Variants in MLLT3 observed in about 807,000 individuals in gnomAD.
MLLT3 encodes the protein MLLT3 super elongation complex subunit.
Under a neutral mutation model 53.2 loss-of-function variants are expected in MLLT3, and 4 were observed. The ratio of observed to expected loss-of-function variants is 0.08; its 90% CI spans 0.04 to 0.17. The LOEUF (loss-of-function observed/expected upper bound fraction) is 0.17, where lower values mean the gene tolerates loss of function less well. MLLT3 is among the 10% of genes least tolerant of loss of function. The pLI is 1.00. For missense variants in MLLT3, 569 were observed against 684.0 expected, an observed-to-expected ratio of 0.83 and a Z score of 1.87; for synonymous variants, 283 against 230.6, an observed-to-expected ratio of 1.23 and a Z score of -2.06.
intron 2 of MLLT3, among the ~76,000 whole-genome samples, chr9:20,600,288 T>C (rs1820387861): frequency 6.6e-6 from 1 of 152,240 alleles, no homozygotes; most frequent in South Asian, 2.1e-4. Flanking sequence ...ATGGAAAACA[T>C]GCCTGATGCC....
Position 20,606,414 on chromosome 9 carries a change from C to T in MLLT3, c.193+14240G>A, listed in dbSNP as rs78361934. 6.0e-3 allele frequency among the ~76,000 whole-genome samples: 909 copies of T among 152,062 alleles called. 6 individuals carry two copies. The highest frequency in any genetic ancestry group is 0.01 in the Non-Finnish European group (684 of 67,962). ...TCTAAAGCAGAGGTTCCTGCCGTAC[C>T]CCCTTCACCCACCCGTACTTTTAAA... On this transcript the variant is annotated intron_variant, in intron 2 of 10. Transcript: ENST00000380338.
intron 2 of MLLT3, among the ~76,000 whole-genome samples, chr9:20,515,030 T>A (rs546956750): frequency 3.5e-5 from 5 of 143,884 alleles, no homozygotes; most frequent in Non-Finnish European, 7.5e-5. Context: ...CACCGCAACC[T>A]CTGCCTCCCG....
chr9:20,503,747 T>C (rs944221029), intron 2 of MLLT3, among the ~76,000 whole-genome samples: 5 of 151,664 alleles, frequency 3.3e-5, no homozygotes, highest in African/African-American at 1.2e-4. Context: ...AAGAAAACAA[T>C]CAACACACTG....
At chr9:20,432,040 G>C (rs370682745) in intron 4 of MLLT3, among the ~76,000 whole-genome samples, 2 of 152,262 alleles carry the variant, frequency 1.3e-5, no homozygotes, top group African/African-American at 4.8e-5. Flanking sequence ...CAGATAGTTA[G>C]AGTGGTTTGT....
chr9:20,412,039 G>A (rs753932944), intron 5 of MLLT3: 23 of 152,040 alleles, frequency 1.5e-4, no homozygotes, highest in Admixed American at 3.3e-4. Context: ...CTAGTGATAC[G>A]TTAAATTTAT....
Position 20,511,126 on chromosome 9 carries a change from C to T in MLLT3, c.194-54340G>A, listed in dbSNP as rs115118675. 5.8e-3 allele frequency among the ~76,000 whole-genome samples: 887 copies of T among 151,980 alleles called. 6 individuals are homozygous for T. Among genetic ancestry groups the T allele is most frequent in the African/African-American group, 0.019 (798 of 41,464 alleles). The stretch of plus-strand genomic sequence containing the variant: ...TTATAAAATTTAAAACAAATTAAAA[C>T]ATTTTAAACATGTCTATTAGAGCCT... On this transcript the variant is annotated intron_variant, in intron 2 of 10. Coordinates refer to ENST00000380338, the MANE Select transcript of MLLT3 (RefSeq NM_004529.4).
chr9:20,458,250 A>T (rs113076634), intron 2 of MLLT3, among the ~76,000 whole-genome samples: 2,255 of 152,282 alleles, frequency 0.015, 48 homozygotes, highest in African/African-American at 0.05. Flanking sequence ...CCTTATGACC[A>T]TATTTTGAAG....
At chr9:20,383,687 AT>A (rs1821960523) in intron 5 of MLLT3, among the ~76,000 whole-genome samples, 1 of 151,950 alleles carries the variant, frequency 6.6e-6, no homozygotes, top group Admixed American at 6.6e-5. Flanking sequence ...GTCTGAGTCC[AT>A]TTGGCTTGTC....
intron 4 of MLLT3, among the ~76,000 whole-genome samples, chr9:20,420,621 A>G (rs993034028): frequency 1.3e-5 from 2 of 152,252 alleles, no homozygotes; most frequent in African/African-American, 4.8e-5. Flanking sequence ...CTCATAAAAC[A>G]CAATGAGTAC....
intron 2 of MLLT3, among the ~76,000 whole-genome samples, chr9:20,608,335 G>C (rs1820617041): frequency 6.6e-6 from 1 of 151,814 alleles, no homozygotes; most frequent in Non-Finnish European, 1.5e-5. Flanking sequence ...CAGCAAGATA[G>C]ACATGTTAAT....
intron 8 of MLLT3, among the ~76,000 whole-genome samples, chr9:20,359,017 C>T (rs1326317076): frequency 1.3e-5 from 2 of 151,768 alleles, no homozygotes; most frequent in Non-Finnish European, 2.9e-5. Flanking sequence ...TGGTGGCATG[C>T]ACCTGTAGTC....
At chr9:20,387,179 C>T (rs1822060391) in intron 5 of MLLT3, among the ~76,000 whole-genome samples, 1 of 152,176 alleles carries the variant, frequency 6.6e-6, no homozygotes, top group Admixed American at 6.5e-5. Context: ...CAGAGCTATT[C>T]CAGAGCTCCT....
chr9:20,593,899 C>G (rs992360282), intron 2 of MLLT3, among the ~76,000 whole-genome samples: 1 of 151,510 alleles, frequency 6.6e-6, no homozygotes. Flanking sequence ...TGTTGTTGTA[C>G]TCCATGTGTA....
intron 2 of MLLT3, among the ~76,000 whole-genome samples, chr9:20,480,804 G>A (rs1824642888): frequency 6.6e-6 from 1 of 152,026 alleles, no homozygotes; most frequent in African/African-American, 2.4e-5. Context: ...TATCTCAGAG[G>A]GCCTCATATA....
chr9:20,370,521 T>G (rs1357810177), intron 5 of MLLT3, among the ~76,000 whole-genome samples: 1 of 152,044 alleles, frequency 6.6e-6, no homozygotes, highest in East Asian at 1.9e-4. Context: ...CAAATCTTTT[T>G]TTTTTTGAGA....
At chr9:20,542,126 C>G (rs1818650903) in intron 2 of MLLT3, among the ~76,000 whole-genome samples, 1 of 152,094 alleles carries the variant, frequency 6.6e-6, no homozygotes, top group Admixed American at 6.6e-5. Context: ...CTCCTTGACC[C>G]ATGAGCTGTA....
chr9:20,401,592 C>A (rs550892239), intron 5 of MLLT3, among the ~76,000 whole-genome samples: 1 of 152,106 alleles, frequency 6.6e-6, no homozygotes, highest in African/African-American at 2.4e-5. Flanking sequence ...GCTAGAGCAC[C>A]GGTCATCACT....
intron 4 of MLLT3, among the ~76,000 whole-genome samples, chr9:20,425,052 A>G (rs1253888829): frequency 6.6e-6 from 1 of 152,168 alleles, no homozygotes; most frequent in Non-Finnish European, 1.5e-5. Flanking sequence ...CAACCCTTAC[A>G]ACGTAAGTGT....
intron 2 of MLLT3, among the ~76,000 whole-genome samples, chr9:20,469,836 A>G (rs1398830563): frequency 1.3e-5 from 2 of 152,038 alleles, no homozygotes; most frequent in African/African-American, 4.8e-5. Flanking sequence ...GTCCCAAATA[A>G]TATTCACAGG....
Sources: allele counts gnomAD v4.1 joint callset (sites outside exome capture counted in the v4.1 genomes callset), GRCh38; gene constraint gnomAD v4.1.1; transcripts MANE v1.5; gene names NCBI Gene and HGNC (gene_info 2026-07-23, HGNC 2026-07-21).